Variants in NRG1 observed in about 807,000 individuals in gnomAD.
NRG1 encodes the protein neuregulin 1.
A neutral mutation model predicts 63.8 loss-of-function variants in NRG1; 18 were observed. That is an observed-to-expected ratio of 0.28 (90% CI 0.19 to 0.42). NRG1 has a LOEUF of 0.42. Ranked by LOEUF, NRG1 falls within the 10% of genes least tolerant of loss-of-function variation. The probability of loss-of-function intolerance (pLI) is 1.00; values close to 1 mark genes in which losing one functional copy is unlikely to be tolerated. For missense variants in NRG1, 762 were observed against 814.7 expected, an observed-to-expected ratio of 0.94 and a Z score of 0.79; for synonymous variants, 302 against 301.3, an observed-to-expected ratio of 1.00 and a Z score of -0.02.
At chr8:32,769,397 T>G (rs1831641572), downstream of NRG1, among the ~76,000 whole-genome samples, 1 of 152,148 alleles carries the variant, frequency 6.6e-6, no homozygotes. Context: ...CTCTCTTGAT[T>G]TTTAAACCCA....
chr8:32,424,308 C>T (rs575714288), intron 1 of NRG1, among the ~76,000 whole-genome samples: 1 of 152,228 alleles, frequency 6.6e-6, no homozygotes, highest in South Asian at 2.1e-4. Context: ...CCTGAAAGCA[C>T]TCACCCTGGG....
intron 1 of NRG1, chr8:32,098,671 T>G (rs960616699): frequency 3.6e-4 from 55 of 152,338 alleles, no homozygotes; most frequent in African/African-American, 1.2e-3. Flanking sequence ...TCTCAGTTTT[T>G]TCTTCCAAGC....
intron 1 of NRG1, among the ~76,000 whole-genome samples, chr8:32,344,394 T>TTCTTCCTCTTTC (rs1586939928): frequency 2.2e-5 from 3 of 133,694 alleles, no homozygotes; most frequent in African/African-American, 5.9e-5. Flanking sequence ...CTTTCTTTCT[T>TTCTTCCTCTTTC]TTTTGTGCAT....
intron 1 of NRG1, among the ~76,000 whole-genome samples, chr8:32,396,730 G>C (rs893427087): frequency 6.6e-6 from 1 of 152,288 alleles, no homozygotes; most frequent in South Asian, 2.1e-4. Context: ...TTACAGGCAT[G>C]AGCCACTGTG....
chr8:31,779,387 T>G (rs1240161368), intron 1 of NRG1, among the ~76,000 whole-genome samples: 1 of 152,016 alleles, frequency 6.6e-6, no homozygotes, highest in Non-Finnish European at 1.5e-5. Flanking sequence ...TGAAGCATTT[T>G]GCTACAGATT....
At chr8:31,655,200 A>G (rs957696406) in intron 1 of NRG1, among the ~76,000 whole-genome samples, 1 of 152,208 alleles carries the variant, frequency 6.6e-6, no homozygotes, top group African/African-American at 2.4e-5. Context: ...TCAGGCATCT[A>G]TTATTTGATA....
intron 1 of NRG1, among the ~76,000 whole-genome samples, chr8:32,298,548 T>G (rs1855166308): frequency 6.6e-6 from 1 of 151,762 alleles, no homozygotes; most frequent in Non-Finnish European, 1.5e-5. Context: ...GAGCCCCGTC[T>G]TTACTAAAAA....
At chr8:31,749,228 G>A (rs1268577040) in intron 1 of NRG1, among the ~76,000 whole-genome samples, 1 of 151,790 alleles carries the variant, frequency 6.6e-6, no homozygotes, top group Admixed American at 6.6e-5. Flanking sequence ...AATATTAAAT[G>A]TATACAGATT....
At chr8:32,502,300 T>A (rs943286064) in intron 1 of NRG1, among the ~76,000 whole-genome samples, 8 of 150,822 alleles carry the variant, frequency 5.3e-5, no homozygotes, top group African/African-American at 2.0e-4. Flanking sequence ...TCGGTCACTA[T>A]CATGAGTACA....
upstream of NRG1, among the ~76,000 whole-genome samples, chr8:32,545,828 G>A (rs1049004221): frequency 2.0e-5 from 3 of 152,142 alleles, no homozygotes; most frequent in African/African-American, 2.4e-5. Flanking sequence ...TGTAACTCGA[G>A]AATCTGGATA....
chr8:32,080,777 G>A (rs1254003583), intron 1 of NRG1, among the ~76,000 whole-genome samples: 2 of 121,314 alleles, frequency 1.6e-5, no homozygotes, highest in African/African-American at 8.6e-5. Flanking sequence ...GTGTGTGTGT[G>A]TGTGTGTGTG....
At chr8:32,339,291 A>C (rs1247072953) in intron 1 of NRG1, among the ~76,000 whole-genome samples, 5 of 152,150 alleles carry the variant, frequency 3.3e-5, no homozygotes, top group Non-Finnish European at 7.4e-5. Flanking sequence ...AATGATAAAA[A>C]CTTACCTATT....
chr8:31,877,527 A>G (rs1045855602), intron 1 of NRG1, among the ~76,000 whole-genome samples: 59 of 152,006 alleles, frequency 3.9e-4, no homozygotes, highest in African/African-American at 1.4e-3. Context: ...ATAAATTATC[A>G]TAAAAGTATA....
chr8:32,048,452 T>C (rs1160963828), intron 1 of NRG1, among the ~76,000 whole-genome samples: 2,444 of 7,734 alleles, frequency 0.32, 111 homozygotes, highest in Admixed American at 0.44. Context: ...CATACATATA[T>C]ATATATATAT....
At chr8:32,491,376 A>T (rs980643598) in intron 1 of NRG1, among the ~76,000 whole-genome samples, 31 of 152,228 alleles carry the variant, frequency 2.0e-4, no homozygotes, top group African/African-American at 7.5e-4. Flanking sequence ...TATAAAAATT[A>T]CTATTTTAAT....
chr8:32,028,200 G>T (rs4733287), intron 1 of NRG1, among the ~76,000 whole-genome samples: 152,321 of 152,324 alleles, frequency 1, 76,159 homozygotes, highest in Middle Eastern at 1. Flanking sequence ...ATTGCGCAAA[G>T]GACTTGTGTC....
intron 1 of NRG1, among the ~76,000 whole-genome samples, chr8:32,196,340 A>G (rs567866230): frequency 6.6e-6 from 1 of 152,324 alleles, no homozygotes; most frequent in South Asian, 2.1e-4. Context: ...ATGTAGGGAT[A>G]GGCTGATGAG....
chr8:32,089,025 T>A (rs1005437139), intron 1 of NRG1, among the ~76,000 whole-genome samples: 2 of 152,196 alleles, frequency 1.3e-5, no homozygotes, highest in Non-Finnish European at 2.9e-5. Flanking sequence ...AGATGCTAGG[T>A]CCCTGTCAAA....
chr8:32,661,777 A>G (rs1802918156), intron 5 of NRG1, among the ~76,000 whole-genome samples: 1 of 152,202 alleles, frequency 6.6e-6, no homozygotes, highest in Non-Finnish European at 1.5e-5. Context: ...AAACAAAAGA[A>G]TAATAAACCA....
Sources: gnomAD v4.1 joint callset for allele counts (sites outside exome capture counted in the v4.1 genomes callset) on GRCh38, gnomAD v4.1.1 for gene constraint, MANE v1.5 for transcripts, NCBI Gene and HGNC (gene_info 2026-07-23, HGNC 2026-07-21) for gene names.